The following ADGRL3 variants were observed in gnomAD, a reference collection of about 807,000 sequenced individuals.
ADGRL3 encodes calcium-independent alpha-latrotoxin receptor 3.
A neutral mutation model predicts 153.5 loss-of-function variants in ADGRL3; 62 were observed. The ratio of observed to expected loss-of-function variants is 0.40; its 90% confidence interval spans 0.33 to 0.50. ADGRL3 has a LOEUF of 0.50. Among genes scored for constraint, ADGRL3 ranks in the 20% least tolerant of loss-of-function variants. The pLI, the probability that ADGRL3 is intolerant of heterozygous loss-of-function variation, is 0.47. For missense variants in ADGRL3, 1,641 were observed against 1,859.4 expected (o/e 0.88, Z 2.16); for synonymous variants, 710 against 672.5 (o/e 1.06, Z -0.86).
In ADGRL3 at chr4:61,958,025, T is replaced by C. The variant is rs573516333; in HGVS notation, c.2805+9749T>C. Among the ~76,000 whole-genome samples, 284 of 152,324 alleles carry C rather than the reference T, an allele frequency of 1.9e-3. 1 individual carries two copies. Among genetic ancestry groups the C allele is most frequent in the Non-Finnish European group, 3.1e-3 (208 of 68,004 alleles). On this transcript the variant is annotated intron_variant, in intron 17 of 26. Transcript: ENST00000683033. ...GTGCAAATTTAGAGATTTGGAGCTGTGCTTGTCACATAATGAGTATTCAGT... is the reference window on the plus strand; with the variant it reads ...GTGCAAATTTAGAGATTTGGAGCTGCGCTTGTCACATAATGAGTATTCAGT...
intron 9 of ADGRL3, among the ~76,000 whole-genome samples, chr4:61,891,104 A>C (rs2098580257): frequency 6.6e-6 from 1 of 152,204 alleles, no homozygotes; most frequent in South Asian, 2.1e-4. Context: ...TTGATTTGGC[A>C]AAAGTAAATA....
chr4:61,284,755 TAAAC>T (rs2093865460), intron 1 of ADGRL3, among the ~76,000 whole-genome samples: 1 of 151,618 alleles, frequency 6.6e-6, no homozygotes, highest in Non-Finnish European at 1.5e-5. Flanking sequence ...TTTCTTAAAA[TAAAC>T]AAATGGTGAA....
At chr4:61,248,792 C>T (rs1197730787) in intron 1 of ADGRL3, among the ~76,000 whole-genome samples, 1 of 152,262 alleles carries the variant, frequency 6.6e-6, no homozygotes, top group East Asian at 1.9e-4. Flanking sequence ...ACAGTTCCAC[C>T]TAACCAGGCT....
At chr4:61,854,989 C>T (rs551795828) in intron 9 of ADGRL3, among the ~76,000 whole-genome samples, 1 of 151,988 alleles carries the variant, frequency 6.6e-6, no homozygotes, top group Non-Finnish European at 1.5e-5. Context: ...TTAAACACAC[C>T]CTAAGTGTAA....
chr4:61,628,450 G>C (rs1324317127), intron 5 of ADGRL3, among the ~76,000 whole-genome samples: 2 of 152,168 alleles, frequency 1.3e-5, no homozygotes, highest in Non-Finnish European at 2.9e-5. Context: ...AGACAAAGAA[G>C]CTCTTAGAGA....
At chr4:62,057,436 AG>A (rs1235665047) in intron 25 of ADGRL3, among the ~76,000 whole-genome samples, 2 of 152,192 alleles carry the variant, frequency 1.3e-5, no homozygotes, top group Non-Finnish European at 1.5e-5. Context: ...CTAGATCTTC[AG>A]GTATAAAGTA....
intron 8 of ADGRL3, among the ~76,000 whole-genome samples, chr4:61,738,193 C>T (rs1348737059): frequency 1.3e-5 from 2 of 152,140 alleles, no homozygotes; most frequent in Non-Finnish European, 2.9e-5. Flanking sequence ...TCCTGAGTTA[C>T]TTCACTTAGA....
intron 4 of ADGRL3, among the ~76,000 whole-genome samples, chr4:61,536,294 C>T (rs897552808): frequency 3.9e-5 from 6 of 151,922 alleles, no homozygotes; most frequent in South Asian, 2.1e-4. Context: ...CGTGCTTTAT[C>T]GCCAAGCATA....
chr4:61,627,155 T>G (rs2092882158), intron 5 of ADGRL3, among the ~76,000 whole-genome samples: 1 of 152,204 alleles, frequency 6.6e-6, no homozygotes, highest in Admixed American at 6.5e-5. Flanking sequence ...AACGTTGTAT[T>G]ACTAGTATTT....
intron 2 of ADGRL3, among the ~76,000 whole-genome samples, chr4:61,435,374 G>A (rs938617038): frequency 2.6e-5 from 4 of 151,990 alleles, no homozygotes; most frequent in African/African-American, 9.7e-5. Flanking sequence ...AATGTAGATA[G>A]TAAAAGTAAA....
At chr4:61,205,111 C>T (rs1341625100) in intron 1 of ADGRL3, among the ~76,000 whole-genome samples, 2 of 151,744 alleles carry the variant, frequency 1.3e-5, no homozygotes, top group African/African-American at 4.8e-5. Context: ...TGAGCTATAG[C>T]CAAGGAAATC....
At chr4:61,441,491 T>C (rs2097527730) in intron 2 of ADGRL3, among the ~76,000 whole-genome samples, 1 of 146,428 alleles carries the variant, frequency 6.8e-6, no homozygotes, top group African/African-American at 2.5e-5. Context: ...GTAGCTCTCT[T>C]TTTTCTTTGT....
At chr4:61,222,259 G>A (rs1419432914) in intron 1 of ADGRL3, among the ~76,000 whole-genome samples, 1 of 151,914 alleles carries the variant, frequency 6.6e-6, no homozygotes, top group African/African-American at 2.4e-5. Context: ...TTTTAAATCT[G>A]TTGTAATTCA....
intron 4 of ADGRL3, among the ~76,000 whole-genome samples, chr4:61,561,785 G>A (rs13143635): frequency 0.12 from 18,465 of 151,618 alleles, 1,218 homozygotes; most frequent in East Asian, 0.18. Flanking sequence ...TCTCAATAAG[G>A]TTGACTTTAG....
intron 1 of ADGRL3, among the ~76,000 whole-genome samples, chr4:61,249,434 C>T (rs1040779876): frequency 6.6e-6 from 1 of 152,128 alleles, no homozygotes; most frequent in Non-Finnish European, 1.5e-5. Context: ...CCTCACCCTC[C>T]TCCTCCTCCT....
intron 1 of ADGRL3, among the ~76,000 whole-genome samples, chr4:61,349,823 C>T (rs542317690): frequency 1.3e-5 from 2 of 152,018 alleles, no homozygotes; most frequent in Non-Finnish European, 2.9e-5. Context: ...AATTGTACCT[C>T]GCCCATAGAA....
At chr4:61,347,756 T>C (rs1184515193) in intron 1 of ADGRL3, among the ~76,000 whole-genome samples, 1 of 152,176 alleles carries the variant, frequency 6.6e-6, no homozygotes, top group Non-Finnish European at 1.5e-5. Context: ...CCTTGGTGTC[T>C]GTTTTCATTT....
At chr4:61,245,018 G>A (rs906997469) in intron 1 of ADGRL3, among the ~76,000 whole-genome samples, 3 of 152,032 alleles carry the variant, frequency 2.0e-5, no homozygotes, top group Non-Finnish European at 2.9e-5. Context: ...TGGAGATACT[G>A]GCATGAAGAA....
At chr4:61,640,987 C>A (rs893305798) in intron 5 of ADGRL3, among the ~76,000 whole-genome samples, 2 of 152,044 alleles carry the variant, frequency 1.3e-5, no homozygotes, top group South Asian at 4.1e-4. Context: ...TTTTTGATCA[C>A]TATATATTGT....
Sources: gnomAD v4.1 joint callset for allele counts (sites outside exome capture counted in the v4.1 genomes callset) on GRCh38, gnomAD v4.1.1 for gene constraint, MANE v1.5 for transcripts, NCBI Gene and HGNC (gene_info 2026-07-23, HGNC 2026-07-21) for gene names.